MCM9: variants seen among roughly 807,000 people sequenced by gnomAD.
MCM9 encodes the protein DNA helicase MCM9.
In MCM9, 55 loss-of-function variants were observed where a neutral mutation model predicts 72.8. That is an observed-to-expected ratio of 0.76 (90% CI 0.61 to 0.95). MCM9 has a LOEUF of 0.95. Ranked by LOEUF, MCM9 falls within the 40% of genes least tolerant of loss-of-function variation. MCM9 has a pLI of 0.00. For missense variants in MCM9, 1,279 were observed against 1,377.0 expected, an observed-to-expected ratio of 0.93 and a Z score of 1.13; for synonymous variants, 480 against 503.4, an observed-to-expected ratio of 0.95 and a Z score of 0.62.
Position 118,933,214 on chromosome 6 carries a change from T to C in MCM9, c.-149-474A>G, listed in dbSNP as rs560132449. Reference sequence around the variant, plus strand: ...AGCTGTCCAAATAAGAAACACTTATTTGGGGCCGGGCGCAGTGGCTCACGC... The same window carrying C: ...AGCTGTCCAAATAAGAAACACTTATCTGGGGCCGGGCGCAGTGGCTCACGC... On this transcript the variant is annotated intron_variant, in intron 1 of 13. Coordinates refer to ENST00000619706, the MANE Select transcript of MCM9 (RefSeq NM_017696.3). Among the ~76,000 whole-genome samples, 4 of 151,750 alleles carry C rather than the reference T, an allele frequency of 2.6e-5. No homozygotes were observed. The East Asian group carries it at 7.7e-4, about 29-fold the overall frequency.
At chr6:118,867,290 T>C (rs1777275778) in intron 8 of MCM9, among the ~76,000 whole-genome samples, 1 of 152,214 alleles carries the variant, frequency 6.6e-6, no homozygotes, top group Non-Finnish European at 1.5e-5. Flanking sequence ...AAAATTATAA[T>C]GGAGCTGAAA....
chr6:118,865,857 AG>A (rs1161511994), intron 8 of MCM9, among the ~76,000 whole-genome samples: 1 of 149,358 alleles, frequency 6.7e-6, no homozygotes, highest in Non-Finnish European at 1.5e-5. Flanking sequence ...CAAGAAAAAA[AG>A]AGGTGGACAT....
intron 9 of MCM9, among the ~76,000 whole-genome samples, chr6:118,837,372 T>C (rs1229812415): frequency 6.6e-6 from 1 of 152,238 alleles, no homozygotes; most frequent in Non-Finnish European, 1.5e-5. Context: ...GTTCTGTAGA[T>C]GTCTATTAGG....
At chr6:118,926,499 G>T (rs1464820896) in intron 3 of MCM9, among the ~76,000 whole-genome samples, 1 of 152,194 alleles carries the variant, frequency 6.6e-6, no homozygotes, top group African/African-American at 2.4e-5. Flanking sequence ...GTCAAAAAAT[G>T]TAAGTCAGGG....
At chr6:118,888,936 G>A (rs1432931826) in intron 8 of MCM9, among the ~76,000 whole-genome samples, 2 of 152,016 alleles carry the variant, frequency 1.3e-5, no homozygotes, top group Non-Finnish European at 2.9e-5. Context: ...TGCTGGGGAG[G>A]GGGATGTGCT....
rs763509537 is a variant in MCM9 at position 118,843,641 on chromosome 6, CAT to C, written c.1325+12728_1325+12729del. On this transcript the variant is annotated intron_variant, in intron 9 of 13. Coordinates refer to ENST00000619706, the MANE Select transcript of MCM9 (RefSeq NM_017696.3). ...CTCAAAAAAACAAAACAAAACAAAA[CAT>C]ATATATATATATGTGTATATATATA... Among the ~76,000 whole-genome samples the C allele has an allele frequency of 6.2e-4, 41 of 66,266 alleles. 1 individual carries two copies. The highest frequency in any genetic ancestry group is 1.8e-3 in the East Asian group (5 of 2,712). 43.5% of individuals were successfully genotyped at this position (66,266 alleles called of 152,430 possible).
At chr6:118,921,443 A>C (rs957049609) in intron 5 of MCM9, 1 of 152,228 alleles carries the variant, frequency 6.6e-6, no homozygotes, top group Non-Finnish European at 1.5e-5. Context: ...ATGGGTTTCA[A>C]GTACCCTCCC....
In MCM9 at chr6:118,816,131, C is replaced by T. The variant is rs781436076; in HGVS notation, c.2125G>A (p.Glu709Lys). 113 of 1,550,248 alleles carry T rather than the reference C, an allele frequency of 7.3e-5. No individual in the cohort carries two copies. Among genetic ancestry groups the T allele is most frequent in the Non-Finnish European group, 9.2e-5 (106 of 1,146,906 alleles). Residue 709 changes from glutamate to lysine, a missense_variant, in exon 14 of 14, where the codon GAG becomes AAG. By Grantham distance (56) the Glu-to-Lys change is moderately conservative. Transcript: ENST00000619706. ...GGGGGATCTAGAACTGGGCTTCCCTCGGGGCTGCCTCCAGGAGAGAAGATA... is the reference window on the plus strand; with the variant it reads ...GGGGGATCTAGAACTGGGCTTCCCTTGGGGCTGCCTCCAGGAGAGAAGATA... ...THIFSPGGSPEGSPVLDPPPH... is the reference protein window; with the variant it reads ...THIFSPGGSPKGSPVLDPPPH...
At position 118,829,055 on chromosome 6, in the gene MCM9, T is replaced by A. The variant is rs9387607; in HGVS notation, c.1521A>T (p.Glu507Asp). 3.1e-3 allele frequency: 4,786 copies of A among 1,550,622 alleles called. 93 individuals are homozygous for A. In the East Asian group the frequency reaches 0.047, roughly 15 times the overall value. Reference protein sequence around the residue: ...WDRIISSFILENKGYPSKSEK... With the variant: ...WDRIISSFILDNKGYPSKSEK... ...TTGTTTGTCTTCACGTACCTTTATTTTCTAAGATAAAGGAGGAAATGATAC... is the reference window on the plus strand; with the variant it reads ...TTGTTTGTCTTCACGTACCTTTATTATCTAAGATAAAGGAGGAAATGATAC... The change falls in exon 10 of 14, where the codon GAA becomes GAT. Residue 507 changes from glutamate to aspartate, a missense_variant. Coordinates refer to ENST00000619706, the MANE Select transcript of MCM9 (RefSeq NM_017696.3).
intron 8 of MCM9, among the ~76,000 whole-genome samples, chr6:118,865,284 G>A (rs1241793070): frequency 6.6e-6 from 1 of 152,122 alleles, no homozygotes; most frequent in Non-Finnish European, 1.5e-5. Context: ...TGCAGAGAAG[G>A]GGCTTTAAAA....
At chr6:118,912,994 C>T (rs1417641254) in intron 7 of MCM9, 2 of 241,868 alleles carry the variant, frequency 8.3e-6, no homozygotes, top group East Asian at 8.6e-5. Flanking sequence ...GAAAACAGAC[C>T]GGGGATCCAA....
chr6:118,919,091 G>A (rs1222578727), intron 5 of MCM9: 1 of 152,102 alleles, frequency 6.6e-6, no homozygotes, highest in African/African-American at 2.4e-5. Flanking sequence ...AATGATTGGG[G>A]GCAACTTTAC....
chr6:118,893,922 T>TC, intron 8 of MCM9: 2 of 721,538 alleles, frequency 2.8e-6, no homozygotes, highest in Non-Finnish European at 3.4e-6. Context: ...GATCGCGCCC[T>TC]CCCGCCGCAG....
intron 13 of MCM9, among the ~76,000 whole-genome samples, chr6:118,822,067 A>C (rs1773851331): frequency 6.6e-6 from 1 of 152,172 alleles, no homozygotes; most frequent in African/African-American, 2.4e-5. Context: ...ATTGGGTTAG[A>C]ACATGCTCCT....
intron 9 of MCM9, among the ~76,000 whole-genome samples, chr6:118,850,289 T>C (rs1192402819): frequency 6.6e-6 from 1 of 151,874 alleles, no homozygotes; most frequent in Non-Finnish European, 1.5e-5. Context: ...ATGGTGTTGA[T>C]ATAATATTTC....
chr6:118,889,907 A>C (rs903976089), intron 8 of MCM9, among the ~76,000 whole-genome samples: 10 of 152,230 alleles, frequency 6.6e-5, no homozygotes, highest in African/African-American at 1.9e-4. Context: ...AAAAGAACAC[A>C]AAACAGTGAA....
chr6:118,848,835 C>T (rs918767235), intron 9 of MCM9, among the ~76,000 whole-genome samples: 9 of 152,016 alleles, frequency 5.9e-5, no homozygotes, highest in Non-Finnish European at 1.0e-4. Flanking sequence ...GACAGGAGAA[C>T]TGCTTGAACC....
At chr6:118,900,947 C>A in intron 8 of MCM9, 2 of 1,088,534 alleles carry the variant, frequency 1.8e-6, no homozygotes, top group Non-Finnish European at 2.8e-6. Context: ...TATCTATTAT[C>A]TTATAACCCT....
chr6:118,909,843 G>A (rs539472412), intron 8 of MCM9, among the ~76,000 whole-genome samples: 14 of 152,296 alleles, frequency 9.2e-5, no homozygotes, highest in African/African-American at 3.1e-4. Flanking sequence ...AGGGCCGGGC[G>A]CAGTGGCTCA....
Sources: allele counts gnomAD v4.1 joint callset (sites outside exome capture counted in the v4.1 genomes callset), GRCh38; gene constraint gnomAD v4.1.1; transcripts MANE v1.5; gene names NCBI Gene and HGNC (gene_info 2026-07-23, HGNC 2026-07-21).